Variants in JAKMIP2 observed in about 807,000 individuals in gnomAD.
JAKMIP2 encodes janus kinase and microtubule-interacting protein 2.
Under a neutral mutation model 115.0 loss-of-function variants are expected in JAKMIP2, and 25 were observed. The observed-to-expected ratio is 0.22, with a 90% CI of 0.16 to 0.30. JAKMIP2 has a LOEUF of 0.30. JAKMIP2 is among the 10% of genes least tolerant of loss of function. The probability of loss-of-function intolerance (pLI) is 1.00; values close to 1 mark genes in which losing one functional copy is unlikely to be tolerated. For missense variants in JAKMIP2, 642 were observed against 957.6 expected, an observed-to-expected ratio of 0.67 and a Z score of 4.35; for synonymous variants, 334 against 343.6, an observed-to-expected ratio of 0.97 and a Z score of 0.31.
intron 14 of JAKMIP2, among the ~76,000 whole-genome samples, chr5:147,630,836 A>G (rs1017104296): frequency 2.0e-5 from 3 of 152,178 alleles, no homozygotes; most frequent in Non-Finnish European, 2.9e-5. Context: ...AGCTACCTCA[A>G]TTCAACTCTA....
rs767270147 is a variant in JAKMIP2 at position 147,623,709 on chromosome 5, A to G, written c.1996-20T>C. On this transcript the variant is annotated intron_variant, in intron 16 of 21. Coordinates refer to ENST00000616793, the MANE Select transcript of JAKMIP2 (RefSeq NM_001270941.2). ...GATCCACTAAGGGGTTAACAAGACA[A>G]AAGTGTTTGACATGGCTGCTTGATA... is the stretch of plus-strand genomic sequence containing the variant. The G allele has an allele frequency of 5.9e-5, 92 of 1,566,732 alleles. 3 individuals carry two copies. In the South Asian group the frequency reaches 1.0e-3, roughly 17 times the overall value.
chr5:147,741,863 A>G (rs1242220653), intron 1 of JAKMIP2, among the ~76,000 whole-genome samples: 6 of 152,018 alleles, frequency 3.9e-5, no homozygotes, highest in Non-Finnish European at 8.8e-5. Context: ...GAACTCAAGA[A>G]TAACTCCATT....
rs546287061 is a variant in JAKMIP2 at position 147,634,647 on chromosome 5, G to T, written c.1677+1575C>A. ...GCCAACAAAGTTTCTTTATAGGGTC[G>T]CTTAACCTTCCTGAAAGCACCAGTT... is the stretch of plus-strand genomic sequence containing the variant. On this transcript the variant is annotated intron_variant, in intron 12 of 21. Transcript: ENST00000616793. Among the ~76,000 whole-genome samples, 15 of 152,218 alleles carry T rather than the reference G, an allele frequency of 9.9e-5. No homozygotes were observed. In the South Asian group the frequency reaches 2.9e-3, roughly 29 times the overall value.
chr5:147,681,904 A>G (rs1198760724), intron 1 of JAKMIP2, among the ~76,000 whole-genome samples: 1 of 152,040 alleles, frequency 6.6e-6, no homozygotes, highest in Non-Finnish European at 1.5e-5. Context: ...TTAGCCCGGC[A>G]TAGTGGCAAA....
chr5:147,763,948 C>T (rs1332012460), intron 1 of JAKMIP2, among the ~76,000 whole-genome samples: 1 of 152,060 alleles, frequency 6.6e-6, no homozygotes, highest in Non-Finnish European at 1.5e-5. Flanking sequence ...ATTAAAGTCA[C>T]CTAAGGATCA....
chr5:147,625,348 C>T lies in JAKMIP2; in HGVS notation c.1996-1659G>A, dbSNP rs113581282. On this transcript the variant is annotated intron_variant, in intron 16 of 21. Coordinates refer to ENST00000616793, the MANE Select transcript of JAKMIP2 (RefSeq NM_001270941.2). Reference sequence around the variant, plus strand: ...ACAGCGAGACTTTTATACACAACAGCCTTGATACTTACAAGGGGATACCAT... The same window carrying T: ...ACAGCGAGACTTTTATACACAACAGTCTTGATACTTACAAGGGGATACCAT... Among the ~76,000 whole-genome samples the T allele has an allele frequency of 1.6e-4, 25 of 152,264 alleles. 1 individual carries two copies. Among genetic ancestry groups the T allele is most frequent in the African/African-American group, 5.8e-4 (24 of 41,536 alleles).
At chr5:147,684,794 G>A (rs538275153) in intron 1 of JAKMIP2, among the ~76,000 whole-genome samples, 8 of 152,146 alleles carry the variant, frequency 5.3e-5, no homozygotes, top group Non-Finnish European at 1.2e-4. Context: ...CAGAGCAGAA[G>A]GGAAGAGAAA....
intron 1 of JAKMIP2, among the ~76,000 whole-genome samples, chr5:147,680,991 T>G (rs2126832008): frequency 6.6e-6 from 1 of 152,320 alleles, no homozygotes; most frequent in African/African-American, 2.4e-5. Flanking sequence ...TTTGGTTTGT[T>G]TTCTTTCTCC....
intron 2 of JAKMIP2, 144 bp from the exon 3 acceptor site, chr5:147,661,589 T>C (rs1758979715): frequency 1.3e-6 from 1 of 765,270 alleles, no homozygotes; most frequent in South Asian, 1.8e-5. Context: ...AAAAAAGAAC[T>C]ACAGGCCTTG....
chr5:147,751,700 T>C (rs1754568056), intron 1 of JAKMIP2, among the ~76,000 whole-genome samples: 2 of 152,118 alleles, frequency 1.3e-5, no homozygotes. Context: ...TTTTACTCTT[T>C]TTCCTTCTGA....
chr5:147,639,363 T>C (rs981039457), intron 10 of JAKMIP2, among the ~76,000 whole-genome samples: 5 of 152,138 alleles, frequency 3.3e-5, no homozygotes, highest in Admixed American at 3.3e-4. Context: ...AAATCCAATA[T>C]TGTCTAGCTT....
At chr5:147,660,120 C>A (rs1457273637) in intron 3 of JAKMIP2, among the ~76,000 whole-genome samples, 1 of 151,988 alleles carries the variant, frequency 6.6e-6, no homozygotes, top group Non-Finnish European at 1.5e-5. Context: ...GCTAAACATC[C>A]GAATGCAGAT....
intron 21 of JAKMIP2, among the ~76,000 whole-genome samples, chr5:147,597,453 A>G (rs552964101): frequency 2.0e-5 from 3 of 152,202 alleles, no homozygotes; most frequent in Non-Finnish European, 4.4e-5. Context: ...TTATATACAT[A>G]TATCTCCAAA....
At chr5:147,713,156 AT>A (rs1002779027) in intron 1 of JAKMIP2, among the ~76,000 whole-genome samples, 15 of 151,596 alleles carry the variant, frequency 9.9e-5, no homozygotes, top group African/African-American at 1.9e-4. Context: ...GCTAGACCAG[AT>A]TTTTTTTTAA....
At chr5:147,719,481 C>T (rs1289928929) in intron 1 of JAKMIP2, among the ~76,000 whole-genome samples, 2 of 150,400 alleles carry the variant, frequency 1.3e-5, no homozygotes, top group Non-Finnish European at 3.0e-5. Flanking sequence ...GTGTGGGAGT[C>T]TAAGTCTCTT....
chr5:147,652,860 G>A (rs1201993635), intron 3 of JAKMIP2, among the ~76,000 whole-genome samples: 1 of 151,300 alleles, frequency 6.6e-6, no homozygotes, highest in East Asian at 2.0e-4. Context: ...CCCTCCCCTT[G>A]CCCCCACCAC....
At chr5:147,592,259 T>C (rs1581253343) in intron 21 of JAKMIP2, among the ~76,000 whole-genome samples, 1 of 152,216 alleles carries the variant, frequency 6.6e-6, no homozygotes, top group Admixed American at 6.5e-5. Flanking sequence ...GTTATTTTAA[T>C]AGCAGACCTG....
rs1352629831 is a variant in JAKMIP2, at chr5:147,586,788, T to C, written c.*4919A>G. 1 of 139,316 alleles carries C rather than the reference T, an allele frequency of 7.2e-6. No homozygotes were observed. Among genetic ancestry groups the C allele is most frequent in the African/African-American group, 2.7e-5 (1 of 37,406 alleles). The allele number at this position is 139,316 out of a possible 1,614,324, so 8.6% of individuals were successfully genotyped here. A position where few individuals can be genotyped will look rare whatever the true frequency, so the allele number is the denominator to read the frequency against. The stretch of plus-strand genomic sequence containing the variant: ...TTTTTTTTTTTTTTGAGATGAGGTC[T>C]CACCATGTTGCCCAGGCCGTTATGA... On this transcript the variant is annotated 3_prime_UTR_variant, in exon 22 of 22. Transcript: ENST00000616793.
intron 1 of JAKMIP2, among the ~76,000 whole-genome samples, chr5:147,743,979 CTTCCTTCCTTCCTAACTTCT>C (rs1754246601): frequency 6.8e-6 from 1 of 146,628 alleles, no homozygotes; most frequent in Non-Finnish European, 1.5e-5. Flanking sequence ...TTCTCCCTCC[CTTCCTTCCTTCCTAACTTCT>C]TTCCTTCCTT....
Sources: gnomAD v4.1 joint callset for allele counts (sites outside exome capture counted in the v4.1 genomes callset) on GRCh38, gnomAD v4.1.1 for gene constraint, MANE v1.5 for transcripts, NCBI Gene and HGNC (gene_info 2026-07-23, HGNC 2026-07-21) for gene names.